Variants in KCNMA1 observed in about 807,000 individuals in gnomAD.
KCNMA1 encodes potassium calcium-activated channel subfamily M alpha 1, also known as Calcium-activated potassium channel subunit alpha-1.
In KCNMA1, 29 loss-of-function variants were observed where a neutral mutation model predicts 140.0. The observed-to-expected ratio is 0.21, with a 90% CI of 0.15 to 0.28. The LOEUF is 0.28. Among genes scored for constraint, KCNMA1 ranks in the 10% least tolerant of loss-of-function variants. The probability of loss-of-function intolerance (pLI) is 1.00; values close to 1 mark genes in which losing one functional copy is unlikely to be tolerated. For missense variants in KCNMA1, 880 were observed against 1,602.2 expected, an observed-to-expected ratio of 0.55 and a Z score of 7.70; for synonymous variants, 612 against 611.9, an observed-to-expected ratio of 1.00 and a Z score of 0.00.
chr10:76,947,267 G>T (rs892094715), intron 22 of KCNMA1, among the ~76,000 whole-genome samples: 1 of 152,158 alleles, frequency 6.6e-6, no homozygotes, highest in Non-Finnish European at 1.5e-5. Flanking sequence ...AACCCAGGAG[G>T]TGAAGGTTGC....
intron 1 of KCNMA1, among the ~76,000 whole-genome samples, chr10:77,500,165 A>AT (rs2154544800): frequency 6.6e-6 from 1 of 151,444 alleles, no homozygotes; most frequent in South Asian, 2.1e-4. Flanking sequence ...TGCAAAAAGC[A>AT]TTTTTTAAAA....
At chr10:76,950,521 G>A in intron 21 of KCNMA1, among the ~76,000 whole-genome samples, 1 of 152,152 alleles carries the variant, frequency 6.6e-6, no homozygotes, top group Admixed American at 6.5e-5. Context: ...GCCAGCCGTG[G>A]ACCTTTCTCT....
At chr10:76,953,158 G>A (rs2066924294) in intron 21 of KCNMA1, among the ~76,000 whole-genome samples, 1 of 152,152 alleles carries the variant, frequency 6.6e-6, no homozygotes, top group Admixed American at 6.5e-5. Flanking sequence ...GGGGACTGTA[G>A]TTCATTATTG....
rs1456637504 is a variant in KCNMA1, at chr10:76,974,425, T to G, written c.2267-4358A>C. 7 of 977,500 alleles carry G rather than the reference T, an allele frequency of 7.2e-6. No homozygotes were observed. In the Admixed American group the frequency reaches 1.4e-4, roughly 20 times the overall value. The allele number at this position is 977,500 out of a possible 1,614,324, so 60.6% of individuals were successfully genotyped here. A position where few individuals can be genotyped will look rare whatever the true frequency, so the allele number is the denominator to read the frequency against. ...TTCAACTGAGCTCAGCATGGTAAAGTAGAATGTTGAGGGCTGCAGGGTAGT... is the reference window on the plus strand; with the variant it reads ...TTCAACTGAGCTCAGCATGGTAAAGGAGAATGTTGAGGGCTGCAGGGTAGT... On this transcript the variant is annotated intron_variant, in intron 19 of 27. Coordinates refer to ENST00000286628, the MANE Select transcript of KCNMA1 (RefSeq NM_001161352.2).
intron 2 of KCNMA1, among the ~76,000 whole-genome samples, chr10:77,278,276 G>C (rs2067270818): frequency 6.6e-6 from 1 of 152,102 alleles, no homozygotes. Context: ...CAAAATAAAT[G>C]CCCAACAGAT....
chr10:77,464,368 G>C (rs2097938542), intron 1 of KCNMA1, among the ~76,000 whole-genome samples: 1 of 152,102 alleles, frequency 6.6e-6, no homozygotes, highest in Non-Finnish European at 1.5e-5. Flanking sequence ...AGTACACAGA[G>C]AGGTAGATGG....
chr10:77,290,011 C>G (rs923056232), intron 2 of KCNMA1, among the ~76,000 whole-genome samples: 2 of 152,124 alleles, frequency 1.3e-5, no homozygotes, highest in Admixed American at 1.3e-4. Context: ...AAAACAGATC[C>G]CTGGCTGCCA....
At chr10:77,123,772 A>G (rs2097677803) in intron 5 of KCNMA1, among the ~76,000 whole-genome samples, 1 of 152,180 alleles carries the variant, frequency 6.6e-6, no homozygotes, top group Non-Finnish European at 1.5e-5. Flanking sequence ...AAATAGAACA[A>G]TTATGACAAT....
intron 22 of KCNMA1, chr10:76,948,940 C>A: frequency 1.6e-6 from 1 of 629,822 alleles, no homozygotes; most frequent in South Asian, 1.8e-5. Flanking sequence ...AGGGACTGAA[C>A]TTGGCTGCAA....
At chr10:77,204,010 C>T (rs2043249098) in intron 3 of KCNMA1, among the ~76,000 whole-genome samples, 1 of 150,942 alleles carries the variant, frequency 6.6e-6, no homozygotes, top group Non-Finnish European at 1.5e-5. Flanking sequence ...TCAGGAGAAT[C>T]ACTTGAATCC....
At chr10:77,086,706 TAC>T in intron 10 of KCNMA1, 113 bp from the exon 11 acceptor site, 1 of 756,150 alleles carries the variant, frequency 1.3e-6, no homozygotes, top group Non-Finnish European at 2.3e-6. Context: ...GGCTGTGACC[TAC>T]AGTCACCCTT....
intron 1 of KCNMA1, among the ~76,000 whole-genome samples, chr10:77,584,669 T>C (rs1039472078): frequency 5.9e-5 from 9 of 152,226 alleles, no homozygotes; most frequent in Non-Finnish European, 1.0e-4. Flanking sequence ...GTTCCATAAA[T>C]GTTTTTAAAG....
chr10:77,226,353 C>T (rs577360), intron 3 of KCNMA1, among the ~76,000 whole-genome samples: 71,965 of 151,518 alleles, frequency 0.47, 17,595 homozygotes, highest in East Asian at 0.71. Context: ...ATATTTTGGG[C>T]CTCACTTGTT....
In KCNMA1 at chr10:77,362,647, C is replaced by T. The variant is rs1477726949; in HGVS notation, c.540+41215G>A. 3.3e-5 allele frequency among the ~76,000 whole-genome samples: 5 copies of T among 152,042 alleles called. No individual in the cohort carries two copies. The South Asian group carries it at 1.0e-3, about 32-fold the overall frequency. Reference sequence around the variant, plus strand: ...CTGCCTGACGTCCTGCCTCAGACCCCGCCGTCCAGCTCACAGGACAAGCCA... The same window carrying T: ...CTGCCTGACGTCCTGCCTCAGACCCTGCCGTCCAGCTCACAGGACAAGCCA... On this transcript the variant is annotated intron_variant, in intron 2 of 27. Coordinates refer to ENST00000286628, the MANE Select transcript of KCNMA1 (RefSeq NM_001161352.2).
intron 1 of KCNMA1, among the ~76,000 whole-genome samples, chr10:77,476,961 A>G (rs1052337656): frequency 6.6e-6 from 1 of 152,374 alleles, no homozygotes; most frequent in East Asian, 1.9e-4. Flanking sequence ...CCCTCCCAGA[A>G]TTCATAGTAG....
At position 77,082,007 on chromosome 10, in the gene KCNMA1, CTTTTTTTTTTTTTTTTTTTTTTT is replaced by C. The variant is rs201288668; in HGVS notation, c.1524-2480_1524-2458del. On this transcript the variant is annotated intron_variant, in intron 12 of 27. Transcript: ENST00000286628. ...GACCAGTAATTTCTTTTTTTCTTTT[CTTTTTTTTTTTTTTTTTTTTTTT>C]TTTTTTTTTTTTAAGACGGAGCCTC... Among the ~76,000 whole-genome samples the C allele has an allele frequency of 1.2e-4, 4 of 32,514 alleles. No individual in the cohort carries two copies. The East Asian group carries it at 1.9e-3, about 16-fold the overall frequency. The allele number at this position is 32,514 out of a possible 152,430, so 21.3% of individuals were successfully genotyped here.
At chr10:77,412,676 G>A (rs1391892074) in intron 1 of KCNMA1, among the ~76,000 whole-genome samples, 1 of 152,216 alleles carries the variant, frequency 6.6e-6, no homozygotes, top group Non-Finnish European at 1.5e-5. Flanking sequence ...GTTACCAAGG[G>A]AGGGCAGAGG....
chr10:77,012,670 T>C, intron 17 of KCNMA1: 1 of 842,214 alleles, frequency 1.2e-6, no homozygotes, highest in Non-Finnish European at 1.9e-6. Context: ...TCCCATGCTA[T>C]CCAGCCCTGA....
chr10:77,096,880 C>T (rs1320365950), intron 9 of KCNMA1, among the ~76,000 whole-genome samples: 1 of 152,126 alleles, frequency 6.6e-6, no homozygotes, highest in Admixed American at 6.5e-5. Context: ...TCCTGCTCCT[C>T]CCAAAATGCA....
Sources: gnomAD v4.1 joint callset for allele counts (sites outside exome capture counted in the v4.1 genomes callset) on GRCh38, gnomAD v4.1.1 for gene constraint, MANE v1.5 for transcripts, NCBI Gene and HGNC (gene_info 2026-07-23, HGNC 2026-07-21) for gene names.